Variants in EPC1 observed in about 807,000 individuals in gnomAD.
The protein encoded by EPC1 is enhancer of polycomb homolog 1.
EPC1 carries 12 observed loss-of-function variants against 98.4 expected under a neutral mutation model. The ratio of observed to expected loss-of-function variants is 0.12; its 90% CI spans 0.08 to 0.20. The LOEUF is 0.20. EPC1 is among the 10% of genes least tolerant of loss of function. The pLI, the probability that EPC1 is intolerant of heterozygous loss-of-function variation, is 1.00. For missense variants in EPC1, 729 were observed against 990.5 expected (o/e 0.74, Z 3.54); for synonymous variants, 357 against 363.9 (o/e 0.98, Z 0.21).
At chr10:32,273,050 AAAGCC>A (rs1564517673) in intron 11 of EPC1, 108 bp downstream of exon 11, 1 of 1,614,196 alleles carries the variant, frequency 6.2e-7, no homozygotes, top group Non-Finnish European at 8.5e-7. Flanking sequence ...TATTCAGGCG[AAAGCC>A]ACTTTTCTGC....
rs544431654 is a variant in EPC1 at position 32,373,795 on chromosome 10, A to G, written c.3+4696T>C. Reference sequence around the variant, plus strand: ...TAAAAGGTTAAAGTATCTTAATAACATTGTTGAACCAAATCTAAAACTCAC... The same window carrying G: ...TAAAAGGTTAAAGTATCTTAATAACGTTGTTGAACCAAATCTAAAACTCAC... On this transcript the variant is annotated intron_variant, in intron 1 of 13. Coordinates refer to the EPC1 transcript ENST00000375110. 1.1e-4 allele frequency among the ~76,000 whole-genome samples: 16 copies of G among 152,346 alleles called. No individual in the cohort carries two copies. In the East Asian group the frequency reaches 2.9e-3, roughly 28 times the overall value.
Position 32,268,382 on chromosome 10 carries a change from T to C in EPC1, c.*681A>G, listed in dbSNP as rs1835680967. 1 of 151,448 alleles carries C rather than the reference T, an allele frequency of 6.6e-6. No homozygotes were observed. Among genetic ancestry groups the C allele is most frequent in the Non-Finnish European group, 1.5e-5 (1 of 67,978 alleles). 9.4% of individuals were successfully genotyped at this position (151,448 alleles called of 1,614,324 possible). On this transcript the variant is annotated 3_prime_UTR_variant, in exon 14 of 14. Transcript: ENST00000319778. ...AGCTTGTTACTTGTCCTAATGATAGTAGACCAGGAAGATCCCCATTTAATA... is the reference window on the plus strand; with the variant it reads ...AGCTTGTTACTTGTCCTAATGATAGCAGACCAGGAAGATCCCCATTTAATA...
At position 32,268,831 on chromosome 10, in the gene EPC1, A is replaced by ATGT. The variant is rs1835700176; in HGVS notation, c.*231_*232insACA. On this transcript the variant is annotated 3_prime_UTR_variant, in exon 14 of 14. Coordinates refer to ENST00000319778, the MANE Select transcript of EPC1 (RefSeq NM_001272004.3). ...GTAACATATATACAAGGGTATTACA[A>ATGT]ATATGCAGTACTGTACAGATAATTG... is the stretch of plus-strand genomic sequence containing the variant. 8.1e-6 allele frequency: 2 copies of ATGT among 248,306 alleles called. No homozygotes were observed. Among genetic ancestry groups the ATGT allele is most frequent in the Non-Finnish European group, 1.5e-5 (2 of 132,304 alleles). 15.4% of individuals were successfully genotyped at this position (248,306 alleles called of 1,614,324 possible).
chr10:32,290,540 G>C (rs746762502), intron 6 of EPC1, among the ~76,000 whole-genome samples: 3 of 145,096 alleles, frequency 2.1e-5, no homozygotes, highest in Non-Finnish European at 3.0e-5. Context: ...GATCAGGGAG[G>C]ATTTCATGTC....
Position 32,347,120 on chromosome 10 carries a change from A to AGGGGCGGAGCGCAGAGCC in EPC1, c.-206_-205insGGCTCTGCGCTCCGCCCC. On this transcript the variant is annotated 5_prime_UTR_variant, in exon 1 of 14. Transcript: ENST00000319778. ...TCCTCTCTCGCTCGCTCTCTTCAAT[A>AGGGGCGGAGCGCAGAGCC]CGCCATGGCCAACATGGCGGACATT... The AGGGGCGGAGCGCAGAGCC allele has an allele frequency of 7.0e-7, 1 of 1,434,054 alleles. No individual in the cohort carries two copies. 88.8% of individuals were successfully genotyped at this position (1,434,054 alleles called of 1,614,324 possible). A position where few individuals can be genotyped will look rare whatever the true frequency, so the allele number is the denominator to read the frequency against.
intron 13 of EPC1, among the ~76,000 whole-genome samples, chr10:32,270,825 A>C (rs1402087693): frequency 3.4e-5 from 4 of 119,390 alleles, no homozygotes; most frequent in African/African-American, 2.1e-4. Flanking sequence ...CGGTCTCAAA[A>C]AAAAAAAAAA....
At chr10:32,342,619 AAGGTGACTGTAGGGT>A (rs1838436864) in intron 1 of EPC1, among the ~76,000 whole-genome samples, 1 of 152,198 alleles carries the variant, frequency 6.6e-6, no homozygotes, top group Non-Finnish European at 1.5e-5. Flanking sequence ...AACAGTTTCA[AAGGTGACTGTAGGGT>A]AGTATCAATA....
At chr10:32,301,054 CTAT>C in intron 2 of EPC1, among the ~76,000 whole-genome samples, 1 of 149,744 alleles carries the variant, frequency 6.7e-6, no homozygotes, top group East Asian at 2.0e-4. Flanking sequence ...ATCTATCTAT[CTAT>C]CTATCTATCT....
chr10:32,336,415 T>C (rs1484038528), intron 1 of EPC1, among the ~76,000 whole-genome samples: 1 of 152,086 alleles, frequency 6.6e-6, no homozygotes, highest in East Asian at 1.9e-4. Flanking sequence ...TCCTTTCTAC[T>C]TGCTGGCCAA....
chr10:32,345,630 G>A, intron 1 of EPC1: 1 of 985,362 alleles, frequency 1.0e-6, no homozygotes, highest in African/African-American at 1.7e-5. Context: ...GGATCTGGGG[G>A]AAATGAGAGG....
At chr10:32,364,001 CAT>C (rs1491359758) in intron 1 of EPC1, among the ~76,000 whole-genome samples, 5,481 of 61,406 alleles carry the variant, frequency 0.089, 1,811 homozygotes, top group African/African-American at 0.29. Flanking sequence ...ATCATGTTGG[CAT>C]TTTTTTTTTT....
intron 1 of EPC1, among the ~76,000 whole-genome samples, chr10:32,319,571 G>A (rs1316309114): frequency 6.6e-6 from 1 of 152,030 alleles, no homozygotes; most frequent in African/African-American, 2.4e-5. Context: ...TTCAATATGA[G>A]AAAACATCAG....
At chr10:32,306,468 T>C (rs1310353111) in intron 1 of EPC1, among the ~76,000 whole-genome samples, 1 of 152,182 alleles carries the variant, frequency 6.6e-6, no homozygotes, top group Non-Finnish European at 1.5e-5. Context: ...TAACCTTTCA[T>C]ACACATTTCC....
intron 1 of EPC1, among the ~76,000 whole-genome samples, chr10:32,354,045 A>C (rs1022275389): frequency 6.6e-6 from 1 of 152,204 alleles, no homozygotes; most frequent in African/African-American, 2.4e-5. Flanking sequence ...TATCTGAAGT[A>C]CTGATTTCCT....
At chr10:32,369,119 C>T (rs1345160828) in intron 1 of EPC1, among the ~76,000 whole-genome samples, 2 of 152,082 alleles carry the variant, frequency 1.3e-5, no homozygotes, top group Admixed American at 1.3e-4. Context: ...GAAATTGTGA[C>T]CACATAGCCA....
chr10:32,269,090 G>A lies in EPC1; in HGVS notation c.2415C>T (p.Asp805=). The A allele has an allele frequency of 6.2e-7, 1 of 1,613,856 alleles. No homozygotes were observed. Among genetic ancestry groups the A allele is most frequent in the Non-Finnish European group, 8.5e-7 (1 of 1,179,896 alleles). Residue 805 remains aspartate, a synonymous_variant, in exon 14 of 14, where the codon GAC becomes GAT. Coordinates refer to ENST00000319778, the MANE Select transcript of EPC1 (RefSeq NM_001272004.3). Reference sequence around the variant, plus strand: ...ACGTCACCTCCATCGCTACTGTGTTGTCTGCTATGTTGTTCAGTGCTGGCT... The same window carrying A: ...ACGTCACCTCCATCGCTACTGTGTTATCTGCTATGTTGTTCAGTGCTGGCT... ...SEKPALNNIA[D]NTVAMEVT
chr10:32,377,089 G>A (rs1257510988), intron 1 of EPC1: 1 of 152,034 alleles, frequency 6.6e-6, no homozygotes, highest in Non-Finnish European at 1.5e-5. Flanking sequence ...ATATAATCCT[G>A]CATTTAGATA....
intron 1 of EPC1, among the ~76,000 whole-genome samples, chr10:32,369,265 C>T (rs1839683777): frequency 1.3e-5 from 2 of 152,142 alleles, no homozygotes; most frequent in Admixed American, 1.3e-4. Context: ...TAAAAGACAG[C>T]TACATATTCT....
At chr10:32,349,700 C>G (rs562864529), upstream of EPC1, among the ~76,000 whole-genome samples, 1 of 152,300 alleles carries the variant, frequency 6.6e-6, no homozygotes, top group South Asian at 2.1e-4. Context: ...CTCCTGGGCT[C>G]AAGTGATCCT....
Sources: allele counts gnomAD v4.1 joint callset (sites outside exome capture counted in the v4.1 genomes callset), GRCh38; gene constraint gnomAD v4.1.1; transcripts MANE v1.5; gene names NCBI Gene and HGNC (gene_info 2026-07-23, HGNC 2026-07-21).